The following MYT1L variants were observed in gnomAD, a reference collection of about 807,000 sequenced individuals.
The protein encoded by MYT1L is myelin transcription factor 1 like.
MYT1L carries 12 observed loss-of-function variants against 126.7 expected under a neutral mutation model. The ratio of observed to expected loss-of-function variants is 0.09; its 90% CI spans 0.06 to 0.15. MYT1L has a LOEUF of 0.15. Ranked by LOEUF, MYT1L falls within the 10% of genes least tolerant of loss-of-function variation. The pLI is 1.00. For synonymous variants in MYT1L, 541 were observed against 604.2 expected (o/e 0.90, Z 1.53); for missense variants, 979 against 1,585.2 (o/e 0.62, Z 6.49).
chr2:2,133,376 C>T (rs1220242297), intron 3 of MYT1L, among the ~76,000 whole-genome samples: 1 of 152,114 alleles, frequency 6.6e-6, no homozygotes, highest in Non-Finnish European at 1.5e-5. Flanking sequence ...ACAGTAAATT[C>T]AGTGAAAACA....
intron 3 of MYT1L, among the ~76,000 whole-genome samples, chr2:2,166,837 A>T (rs375166575): frequency 1.3e-3 from 198 of 152,332 alleles, no homozygotes; most frequent in African/African-American, 4.5e-3. Flanking sequence ...TTTTTTATGC[A>T]AATACAAGCA....
At position 1,917,396 on chromosome 2, in the gene MYT1L, G is replaced by A. The variant is rs2052997216; in HGVS notation, c.1484-57C>T. 16 of 1,541,056 alleles carry A rather than the reference G, an allele frequency of 1.0e-5. No homozygotes were observed. The South Asian group carries it at 1.8e-4, about 17-fold the overall frequency. Reference sequence around the variant, plus strand: ...ATGTTTACCAATCAAAGACAAATGTGATTATTTCACAATCTGAAGAAACCT... The same window carrying A: ...ATGTTTACCAATCAAAGACAAATGTAATTATTTCACAATCTGAAGAAACCT... On this transcript the variant is annotated intron_variant, in intron 10 of 24. Coordinates refer to ENST00000647738, the MANE Select transcript of MYT1L (RefSeq NM_001303052.2). This position sits in a 1 kb window ranked among gnomAD's most constrained non-coding sequence, Gnocchi z 5.9.
rs987169772 is a variant in MYT1L, at chr2:1,817,359, A to G, written c.3081-8192T>C. ...CACGGCCGGAAACTGCAGAGTCCAC[A>G]TTCCTGGACCCACACTGCGGTTCAG... is the stretch of plus-strand genomic sequence containing the variant. On this transcript the variant is annotated intron_variant, in intron 21 of 24. Coordinates refer to ENST00000647738, the MANE Select transcript of MYT1L (RefSeq NM_001303052.2). 3.9e-5 allele frequency among the ~76,000 whole-genome samples: 6 copies of G among 152,298 alleles called. No homozygotes were observed. In the South Asian group the frequency reaches 6.2e-4, roughly 16 times the overall value.
At chr2:2,241,075 A>G (rs898598443) in intron 2 of MYT1L, among the ~76,000 whole-genome samples, 1 of 152,166 alleles carries the variant, frequency 6.6e-6, no homozygotes, top group Admixed American at 6.5e-5. Context: ...CCTTTTATTT[A>G]TTCTTGATAT....
At chr2:1,849,525 A>G (rs987609835) in intron 19 of MYT1L, among the ~76,000 whole-genome samples, 1 of 152,338 alleles carries the variant, frequency 6.6e-6, no homozygotes, top group African/African-American at 2.4e-5. Context: ...GGGGACACTC[A>G]GCAGTGACTG....
chr2:1,877,380 G>A (rs2047043868), intron 18 of MYT1L, among the ~76,000 whole-genome samples: 3 of 145,390 alleles, frequency 2.1e-5, no homozygotes, highest in South Asian at 4.3e-4. Flanking sequence ...TGAGAGTGGT[G>A]AGTTTATACA....
intron 1 of MYT1L, among the ~76,000 whole-genome samples, chr2:2,292,807 C>T (rs2095618792): frequency 6.6e-6 from 1 of 152,132 alleles, no homozygotes; most frequent in African/African-American, 2.4e-5. Flanking sequence ...ATCTGACAAA[C>T]TATTCTCCCT....
At chr2:1,915,762 C>T (rs946464026) in intron 11 of MYT1L, among the ~76,000 whole-genome samples, 1 of 152,198 alleles carries the variant, frequency 6.6e-6, no homozygotes, top group Non-Finnish European at 1.5e-5. Flanking sequence ...CCGGAGCTTA[C>T]TTGAGTAAGT....
intron 3 of MYT1L, among the ~76,000 whole-genome samples, chr2:2,066,825 C>T (rs1390512736): frequency 6.6e-6 from 1 of 152,210 alleles, no homozygotes; most frequent in African/African-American, 2.4e-5. Context: ...GAGTCAGTGT[C>T]ATTGCAGAGG....
chr2:1,946,967 T>C (rs1423708610), intron 8 of MYT1L, among the ~76,000 whole-genome samples: 2 of 152,192 alleles, frequency 1.3e-5, no homozygotes, highest in Non-Finnish European at 2.9e-5. Context: ...GGATGGCTCC[T>C]CCAGAGCCTG....
At chr2:2,063,849 A>G (rs2070871158) in intron 3 of MYT1L, among the ~76,000 whole-genome samples, 1 of 151,502 alleles carries the variant, frequency 6.6e-6, no homozygotes, top group African/African-American at 2.5e-5. Flanking sequence ...TGTCTCAAAA[A>G]AAACAAAACA....
chr2:2,278,816 G>T (rs947873457), intron 2 of MYT1L, among the ~76,000 whole-genome samples: 7 of 152,252 alleles, frequency 4.6e-5, no homozygotes, highest in African/African-American at 1.4e-4. Context: ...GTAGGACAGT[G>T]GTGAACTATG....
At chr2:1,970,700 G>A (rs926434859) in intron 8 of MYT1L, among the ~76,000 whole-genome samples, 2 of 152,140 alleles carry the variant, frequency 1.3e-5, no homozygotes, top group African/African-American at 2.4e-5. Flanking sequence ...TCTCCATAGC[G>A]GCTGCCCTGC....
rs546639589 is a variant in MYT1L at position 1,940,297 on chromosome 2, C to T, written c.505+2685G>A. Among the ~76,000 whole-genome samples the T allele has an allele frequency of 2.1e-5, 3 of 144,824 alleles. No individual in the cohort carries two copies. The East Asian group carries it at 6.2e-4, about 30-fold the overall frequency. On this transcript the variant is annotated intron_variant, in intron 9 of 24. Transcript: ENST00000647738. ...TCTCAACATCTCCCTGTGGCTGCAC[C>T]CTGCCAGGATGCTCAGTAAACTGGG...
intron 3 of MYT1L, among the ~76,000 whole-genome samples, chr2:2,071,221 T>C (rs1021022789): frequency 2.4e-4 from 37 of 152,336 alleles, no homozygotes; most frequent in African/African-American, 8.9e-4. Flanking sequence ...TAAAGAAATG[T>C]AGTTCTATTA....
chr2:2,144,963 T>C (rs182210570), intron 3 of MYT1L, among the ~76,000 whole-genome samples: 76 of 152,342 alleles, frequency 5.0e-4, no homozygotes, highest in Non-Finnish European at 1.0e-3. Flanking sequence ...ATGGGCTGAA[T>C]ATAAAATGTA....
At chr2:1,976,649 CA>C (rs1226673365) in intron 8 of MYT1L, among the ~76,000 whole-genome samples, 1 of 152,022 alleles carries the variant, frequency 6.6e-6, no homozygotes, top group Non-Finnish European at 1.5e-5. Flanking sequence ...ATCAAAAAAA[CA>C]AAAAACCAGG....
At chr2:1,831,852 CT>C (rs1316001214) in intron 21 of MYT1L, among the ~76,000 whole-genome samples, 1 of 152,160 alleles carries the variant, frequency 6.6e-6, no homozygotes, top group Non-Finnish European at 1.5e-5. Context: ...GCTCTTCCCC[CT>C]GGACCCCTGA....
rs557539432 is a variant in MYT1L, at chr2:1,962,754, T to A, written c.152+16411A>T. Among the ~76,000 whole-genome samples the A allele has an allele frequency of 2.0e-5, 3 of 152,352 alleles. No individual in the cohort carries two copies. The South Asian group carries it at 6.2e-4, about 32-fold the overall frequency. ...CACAGCATCTTCACCAGGAGTTGAT[T>A]TTATCTCAAGAAACCACCTGCTTTG... On this transcript the variant is annotated intron_variant, in intron 8 of 24. Coordinates refer to ENST00000647738, the MANE Select transcript of MYT1L (RefSeq NM_001303052.2).
Sources: allele counts gnomAD v4.1 joint callset (sites outside exome capture counted in the v4.1 genomes callset), GRCh38; gene constraint gnomAD v4.1.1; non-coding constraint Gnocchi (gnomAD v3.1); transcripts MANE v1.5; gene names NCBI Gene and HGNC (gene_info 2026-07-23, HGNC 2026-07-21).